The following ZNF568 variants were observed in gnomAD, a reference collection of about 807,000 sequenced individuals.
ZNF568 encodes p53 inhibitor of SCO2 activation.
Under a neutral mutation model 18.1 loss-of-function variants are expected in ZNF568, and 11 were observed. The observed-to-expected ratio is 0.61, with a 90% CI of 0.38 to 1.00. ZNF568 has a LOEUF of 1.00. Among genes scored for constraint, ZNF568 ranks in the 50% least tolerant of loss-of-function variants. The pLI, the probability that ZNF568 is intolerant of heterozygous loss-of-function variation, is 0.01. For missense variants in ZNF568, 639 were observed against 768.2 expected, an observed-to-expected ratio of 0.83 and a Z score of 1.99; for synonymous variants, 213 against 246.6, an observed-to-expected ratio of 0.86 and a Z score of 1.28.
rs528353341 is a variant in ZNF568 at position 36,924,466 on chromosome 19, C to T, written c.77-734C>T. 5.4e-3 allele frequency among the ~76,000 whole-genome samples: 797 copies of T among 147,212 alleles called. 8 individuals carry two copies. The highest frequency in any genetic ancestry group is 7.8e-3 in the Non-Finnish European group (521 of 66,616). ...ACTCCTGACCTCGTGATCCGCCCGC[C>T]TTGGCCTCCCAAAGTGCTGGGATTA... On this transcript the variant is annotated intron_variant, in intron 3 of 6. Coordinates refer to ENST00000333987, the MANE Select transcript of ZNF568 (RefSeq NM_198539.4).
At chr19:36,997,303 A>G (rs1272715085), downstream of ZNF568, 1 of 1,602,150 alleles carries the variant, frequency 6.2e-7, no homozygotes, top group Admixed American at 1.7e-5. Flanking sequence ...CTGTAAGTGT[A>G]AGGAATGTGG....
downstream of ZNF568, among the ~76,000 whole-genome samples, chr19:36,984,041 G>A (rs1214007545): frequency 6.6e-6 from 1 of 151,766 alleles, no homozygotes; most frequent in African/African-American, 2.4e-5. Flanking sequence ...TGGGATTACA[G>A]GTGCATGCCG....
At chr19:36,994,863 G>A (rs1183745195) in intron 4 of ZNF568, among the ~76,000 whole-genome samples, 1 of 151,984 alleles carries the variant, frequency 6.6e-6, no homozygotes, top group African/African-American at 2.4e-5. Flanking sequence ...TGTTGGCCAG[G>A]CTGGTCTTGA....
intron 4 of ZNF568, among the ~76,000 whole-genome samples, chr19:36,936,355 G>C (rs1017843075): frequency 6.6e-6 from 1 of 152,072 alleles, no homozygotes; most frequent in Admixed American, 6.5e-5. Context: ...TATGTATTAT[G>C]TTTATTATAT....
chr19:36,971,658 C>T (rs545202733), intron 6 of ZNF568, among the ~76,000 whole-genome samples: 77 of 152,182 alleles, frequency 5.1e-4, no homozygotes, highest in African/African-American at 1.5e-3. Flanking sequence ...CTGGAATGCA[C>T]CTCCTTAGTA....
At chr19:36,983,893 C>CTTTTTTTTTTTTTT (rs57048125), downstream of ZNF568, among the ~76,000 whole-genome samples, 9 of 108,554 alleles carry the variant, frequency 8.3e-5, no homozygotes, top group Admixed American at 1.1e-4. Flanking sequence ...CAACTTTGTC[C>CTTTTTTTTTTTTTT]TTTTTTTTTT....
exon 5 of ZNF568, chr19:36,996,759 A>G (rs747907974): frequency 1.4e-5 from 22 of 1,544,444 alleles, no homozygotes; most frequent in Middle Eastern, 1.7e-4. Flanking sequence ...GAATTACTCA[A>G]CCTCAGAGCA....
chr19:36,975,041 G>C (rs1352937416), intron 7 of ZNF568, among the ~76,000 whole-genome samples: 2 of 151,048 alleles, frequency 1.3e-5, no homozygotes, highest in Non-Finnish European at 2.9e-5. Flanking sequence ...TGCCCAGGCT[G>C]ATCTCGAACT....
At chr19:36,990,993 C>A in intron 2 of ZNF568, 2 of 573,460 alleles carry the variant, frequency 3.5e-6, no homozygotes, top group Non-Finnish European at 5.9e-6. Context: ...GCCCAAGAAC[C>A]ATGTGGGCAC....
exon 5 of ZNF568, chr19:36,997,216 T>C (rs982487336): frequency 1.2e-6 from 2 of 1,608,602 alleles, no homozygotes; most frequent in African/African-American, 2.7e-5. Flanking sequence ...ACCCCATGAA[T>C]GTAAGGAATG....
intron 6 of ZNF568, among the ~76,000 whole-genome samples, chr19:36,972,358 A>C (rs1334391212): frequency 6.6e-6 from 1 of 152,142 alleles, no homozygotes; most frequent in Non-Finnish European, 1.5e-5. Context: ...ATGACGTTGC[A>C]GCCCACTATA....
intron 6 of ZNF568, among the ~76,000 whole-genome samples, chr19:36,941,734 C>G (rs1177611044): frequency 6.6e-6 from 1 of 152,136 alleles, no homozygotes; most frequent in Non-Finnish European, 1.5e-5. Flanking sequence ...ATTTGTTTCT[C>G]TTAACCTAAT....
At chr19:36,954,093 G>A (rs1316626929), downstream of ZNF568, among the ~76,000 whole-genome samples, 2 of 151,824 alleles carry the variant, frequency 1.3e-5, no homozygotes, top group Admixed American at 6.6e-5. Context: ...GCGTGGTGGT[G>A]CATGCCTGTA....
intron 4 of ZNF568, among the ~76,000 whole-genome samples, chr19:36,930,717 A>T (rs961994473): frequency 6.6e-6 from 1 of 152,180 alleles, no homozygotes; most frequent in African/African-American, 2.4e-5. Flanking sequence ...GTTCTGAGTC[A>T]CATTTACTGT....
chr19:36,927,899 ATATATTTTTTTTTTTTTT>A (rs1568381598), intron 4 of ZNF568, among the ~76,000 whole-genome samples: 40 of 24,074 alleles, frequency 1.7e-3, no homozygotes, highest in African/African-American at 3.7e-3. Flanking sequence ...ATATATATAT[ATATATTTTTTTTTTTTTT>A]TTTTTTTTTT....
In ZNF568 at chr19:36,948,120, T is replaced by C. The variant is rs555159015; in HGVS notation, c.359-1392T>C. On this transcript the variant is annotated intron_variant, in intron 6 of 6. Transcript: ENST00000333987. ...CAGAATACTTTCACTGTCCTAAAAC[T>C]CCTCTCTCTTCCTCCTGTTTATTCC... Among the ~76,000 whole-genome samples the C allele has an allele frequency of 5.3e-4, 81 of 152,312 alleles. 2 individuals are homozygous for C. The South Asian group carries it at 0.012, about 23-fold the overall frequency.
downstream of ZNF568, among the ~76,000 whole-genome samples, chr19:36,981,426 G>A (rs112328335): frequency 2.2e-3 from 328 of 152,194 alleles, 2 homozygotes; most frequent in African/African-American, 7.7e-3. Flanking sequence ...ACATTTTTAC[G>A]GTATTGAGTC....
At chr19:36,928,113 G>T (rs1368117540) in intron 4 of ZNF568, among the ~76,000 whole-genome samples, 1 of 149,830 alleles carries the variant, frequency 6.7e-6, no homozygotes, top group East Asian at 2.0e-4. Context: ...ATAGGGTTTC[G>T]CCATGTTGGC....
rs1456837716 is a variant in ZNF568 at position 36,930,355 on chromosome 19, G to A, written c.135+5097G>A. Among the ~76,000 whole-genome samples the A allele has an allele frequency of 3.3e-5, 5 of 151,884 alleles. No individual in the cohort carries two copies. The East Asian group carries it at 9.7e-4, about 30-fold the overall frequency. On this transcript the variant is annotated intron_variant, in intron 4 of 6. Coordinates refer to ENST00000333987, the MANE Select transcript of ZNF568 (RefSeq NM_198539.4). Reference sequence around the variant, plus strand: ...CTCCCGAGTCGCTGGGACTACAGACGCTCGCCACCACACCCGGCTAATTTT... The same window carrying A: ...CTCCCGAGTCGCTGGGACTACAGACACTCGCCACCACACCCGGCTAATTTT...
Sources: gnomAD v4.1 joint callset for allele counts (sites outside exome capture counted in the v4.1 genomes callset) on GRCh38, gnomAD v4.1.1 for gene constraint, MANE v1.5 for transcripts, NCBI Gene and HGNC (gene_info 2026-07-23, HGNC 2026-07-21) for gene names.